The following KANK1 variants were observed in gnomAD, a reference collection of about 807,000 sequenced individuals.
KANK1 encodes the protein KN motif and ankyrin repeat domain-containing protein 1.
Under a neutral mutation model 106.2 loss-of-function variants are expected in KANK1, and 109 were observed. That is an observed-to-expected ratio of 1.03 (90% CI 0.88 to 1.20). The LOEUF is 1.20. Ranked by LOEUF, KANK1 falls within the 50% of genes most tolerant of loss-of-function variation. The probability of loss-of-function intolerance (pLI) is 0.00; values close to 1 mark genes in which losing one functional copy is unlikely to be tolerated. For missense variants in KANK1, 2,399 were observed against 1,710.7 expected, an observed-to-expected ratio of 1.40 and a Z score of -7.10; for synonymous variants, 873 against 652.2, an observed-to-expected ratio of 1.34 and a Z score of -5.16.
intron 1 of KANK1, among the ~76,000 whole-genome samples, chr9:671,623 A>AAAAAAAAAAAAAGAAGAAG (rs79437342): frequency 9.6e-6 from 1 of 103,636 alleles, no homozygotes; most frequent in African/African-American, 4.4e-5. Context: ...CTCAAAAAAA[A>AAAAAAAAAAAAAGAAGAAG]AAAAGAGTGT....
At chr9:568,913 CTT>C (rs1261941266) in intron 1 of KANK1, among the ~76,000 whole-genome samples, 1 of 152,126 alleles carries the variant, frequency 6.6e-6, no homozygotes, top group Non-Finnish European at 1.5e-5. Flanking sequence ...AAATTTATAT[CTT>C]TTAAAAATGG....
At chr9:632,463 GA>G (rs1835976149) in intron 1 of KANK1, among the ~76,000 whole-genome samples, 1 of 152,158 alleles carries the variant, frequency 6.6e-6, no homozygotes. Context: ...TGAGAGCATG[GA>G]AAAGATAATT....
At chr9:471,439 C>T (rs2058018763) in intron 2 of KANK1, 1 of 152,174 alleles carries the variant, frequency 6.6e-6, no homozygotes, top group Non-Finnish European at 1.5e-5. Flanking sequence ...TCTCTGCATG[C>T]CCCAAGGAGA....
intron 3 of KANK1, among the ~76,000 whole-genome samples, chr9:493,696 C>A (rs2058414184): frequency 6.6e-6 from 1 of 150,908 alleles, no homozygotes; most frequent in Non-Finnish European, 1.5e-5. Context: ...TACAGCTACA[C>A]ACCACCACGC....
At chr9:738,677 GT>G (rs1422812169) in intron 8 of KANK1, among the ~76,000 whole-genome samples, 173 bp downstream of exon 8, 2 of 152,232 alleles carry the variant, frequency 1.3e-5, no homozygotes, top group Non-Finnish European at 2.9e-5. Flanking sequence ...GAGGCTTGAA[GT>G]TTAAACAAAA....
At chr9:556,577 C>G (rs1226031579) in intron 1 of KANK1, among the ~76,000 whole-genome samples, 1 of 152,176 alleles carries the variant, frequency 6.6e-6, no homozygotes, top group African/African-American at 2.4e-5. Flanking sequence ...GTAACTGTTT[C>G]TCATTACTTC....
At chr9:742,075 A>G in intron 9 of KANK1, 130 bp from the exon 10 acceptor site, 4 of 772,334 alleles carry the variant, frequency 5.2e-6, no homozygotes, top group Non-Finnish European at 8.7e-6. Context: ...ACCTGCCCCA[A>G]GTAGTTCCAT....
rs558535475 is a variant in KANK1 at position 659,220 on chromosome 9, G to A, written c.-83-17670G>A. Among the ~76,000 whole-genome samples, 12 of 152,312 alleles carry A rather than the reference G, an allele frequency of 7.9e-5. No homozygotes were observed. In the South Asian group the frequency reaches 2.3e-3, roughly 29 times the overall value. On this transcript the variant is annotated intron_variant, in intron 1 of 11. Transcript: ENST00000382297. ...AACAAAGTTAGGCTTCCTGGGGGAT[G>A]TTTTCTAAATCCCTAGGTATCATTT...
At chr9:678,254 A>G (rs1208281859) in intron 2 of KANK1, among the ~76,000 whole-genome samples, 3 of 152,212 alleles carry the variant, frequency 2.0e-5, no homozygotes, top group Admixed American at 1.3e-4. Flanking sequence ...TAATAAAGAC[A>G]TGAATGATAA....
intron 1 of KANK1, among the ~76,000 whole-genome samples, chr9:622,253 ATAATCTGTG>A (rs1456229000): frequency 2.6e-5 from 4 of 152,188 alleles, no homozygotes; most frequent in African/African-American, 9.7e-5. Context: ...AAAGAAGTTA[ATAATCTGTG>A]TATATTGTCA....
chr9:678,891 G>A (rs909206053), intron 2 of KANK1, among the ~76,000 whole-genome samples: 7 of 152,272 alleles, frequency 4.6e-5, no homozygotes, highest in African/African-American at 1.7e-4. Flanking sequence ...CACATGCTCA[G>A]GGGAAGGGGT....
At chr9:578,011 C>T (rs1821045147) in intron 1 of KANK1, among the ~76,000 whole-genome samples, 1 of 152,080 alleles carries the variant, frequency 6.6e-6, no homozygotes, top group Non-Finnish European at 1.5e-5. Flanking sequence ...TAGGAGGCCT[C>T]CTTTCACCTT....
chr9:576,760 GT>G (rs143072782), intron 1 of KANK1, among the ~76,000 whole-genome samples: 1 of 147,824 alleles, frequency 6.8e-6, no homozygotes, highest in Non-Finnish European at 1.5e-5. Context: ...GAGGGACCTT[GT>G]TTTTTTTTTG....
chr9:609,557 G>T (rs1197268780), intron 1 of KANK1, among the ~76,000 whole-genome samples: 1 of 152,108 alleles, frequency 6.6e-6, no homozygotes, highest in Non-Finnish European at 1.5e-5. Flanking sequence ...TGAACCCCAG[G>T]AGGTGGAGGT....
chr9:742,171 G>GTAC lies in KANK1; in HGVS notation c.3697-32_3697-30dup, dbSNP rs144704466. 2.3e-3 allele frequency: 3,664 copies of GTAC among 1,596,236 alleles called. 151 individuals carry two copies. The East Asian group carries it at 0.07, about 31-fold the overall frequency. ...GAGGCCACCACTGCCAGCTCAGTAC[G>GTAC]TACTTCTGAAGTCCTTGTCATCTCT... On this transcript the variant is annotated intron_variant, in intron 9 of 11. Coordinates refer to ENST00000382297, the MANE Select transcript of KANK1 (RefSeq NM_015158.5).
chr9:495,571 A>G (rs1587257422), intron 3 of KANK1: 2 of 152,306 alleles, frequency 1.3e-5, no homozygotes, highest in South Asian at 4.1e-4. Flanking sequence ...GCTGCACTTC[A>G]TATATCAAGG....
rs1190499924 is a variant in KANK1, at chr9:710,630, C to CA, written c.38-165dup. Among the ~76,000 whole-genome samples, 14 of 57,782 alleles carry CA rather than the reference C, an allele frequency of 2.4e-4. 1 individual carries two copies. Among genetic ancestry groups the CA allele is most frequent in the South Asian group, 1.0e-3 (2 of 1,956 alleles). 37.9% of individuals were successfully genotyped at this position (57,782 alleles called of 152,430 possible). On this transcript the variant is annotated intron_variant, in intron 2 of 11. Coordinates refer to ENST00000382297, the MANE Select transcript of KANK1 (RefSeq NM_015158.5). ...TGACCTGTCTCAAAAAAAAAAAAAA[C>CA]AAAAAAAAACAAAAAAAACTTGCTT... is the stretch of plus-strand genomic sequence containing the variant.
intron 1 of KANK1, among the ~76,000 whole-genome samples, chr9:517,548 G>A (rs939841005): frequency 6.6e-6 from 1 of 151,616 alleles, no homozygotes; most frequent in Non-Finnish European, 1.5e-5. Context: ...AAATAGGGAA[G>A]CCTTTTTTTT....
intron 1 of KANK1, among the ~76,000 whole-genome samples, chr9:601,958 T>G (rs771546549): frequency 6.6e-6 from 1 of 151,882 alleles, no homozygotes; most frequent in African/African-American, 2.4e-5. Flanking sequence ...TCCATGAGTT[T>G]TATGGTGAGC....
Sources: gnomAD v4.1 joint callset for allele counts (sites outside exome capture counted in the v4.1 genomes callset) on GRCh38, gnomAD v4.1.1 for gene constraint, MANE v1.5 for transcripts, NCBI Gene and HGNC (gene_info 2026-07-23, HGNC 2026-07-21) for gene names.